Variants in STAG2 observed in about 807,000 individuals in gnomAD.
The protein encoded by STAG2 is cohesin subunit SA-2.
In STAG2, 14 loss-of-function variants were observed where a neutral mutation model predicts 108.1. That is an observed-to-expected ratio of 0.13 (90% CI 0.09 to 0.20). The LOEUF is 0.20. Ranked by LOEUF, STAG2 falls within the 10% of genes least tolerant of loss-of-function variation. The pLI is 1.00. For missense variants in STAG2, 440 were observed against 940.9 expected (o/e 0.47, Z 6.96); for synonymous variants, 307 against 302.7 (o/e 1.01, Z -0.15).
intron 1 of STAG2, among the ~76,000 whole-genome samples, chrX:123,965,504 A>G (rs2054055340): frequency 8.9e-6 from 1 of 111,789 alleles, no homozygotes; most frequent in Non-Finnish European, 1.9e-5. Flanking sequence ...GCTCAGATCT[A>G]TTCCTTTGGG....
At chrX:124,045,580 G>A (rs1398665135) in intron 8 of STAG2, among the ~76,000 whole-genome samples, 2 of 111,229 alleles carry the variant, frequency 1.8e-5, no homozygotes, top group South Asian at 7.5e-4. Context: ...ACTAGTATTT[G>A]GTAATTTTCT....
intron 1 of STAG2, among the ~76,000 whole-genome samples, chrX:123,967,556 G>T (rs914988550): frequency 1.3e-4 from 14 of 111,372 alleles, no homozygotes; most frequent in African/African-American, 3.9e-4. Flanking sequence ...GTGAGCCACT[G>T]CGCCCAGCTG....
chrX:124,083,382 C>G (rs923638466), intron 28 of STAG2, 39 bp from the exon 29 acceptor site: 1 of 1,069,805 alleles, frequency 9.3e-7, no homozygotes. Flanking sequence ...TATAGTCCCT[C>G]AAATATTTAT....
rs1201557196 is a variant in STAG2 at position 124,094,027 on chromosome X, C to T, written c.3588C>T (p.Gly1196=). Residue 1196 remains glycine (G), a synonymous_variant, in exon 33 of 35, where the codon GGC becomes GGT. Coordinates refer to ENST00000371145, the MANE Select transcript of STAG2 (RefSeq NM_001042750.2). ...TTTTATATTTCTCTAGTCGGCGTGG[C>T]ACAAGCCTAATGGAAGATGATGAAG... is the stretch of plus-strand genomic sequence containing the variant. ...RTNLQHAIRR[G]TSLMEDDEEP... is the part of the protein sequence containing the mutation. 8.3e-7 allele frequency: 1 copy of T among 1,208,433 alleles called. No homozygotes were observed. The highest frequency in any genetic ancestry group is 1.1e-6 in the Non-Finnish European group (1 of 894,458).
intron 7 of STAG2, among the ~76,000 whole-genome samples, chrX:124,042,987 C>A (rs1312291848): frequency 9.5e-6 from 1 of 105,771 alleles, no homozygotes. Flanking sequence ...TGTACTCCAG[C>A]CTGGGCAACA....
chrX:124,097,076 G>C (rs1267822307), intron 34 of STAG2, among the ~76,000 whole-genome samples: 2 of 108,657 alleles, frequency 1.8e-5, no homozygotes, highest in Admixed American at 9.9e-5. Context: ...CTACTCAGGA[G>C]GGCGAGGTGG....
chrX:123,982,818 A>G (rs1301829468), intron 1 of STAG2, among the ~76,000 whole-genome samples: 3 of 81,664 alleles, frequency 3.7e-5, no homozygotes, highest in African/African-American at 1.5e-4. Flanking sequence ...TTCCTTGTAC[A>G]TTTGTCTGTT....
chrX:124,085,350 A>G (rs1051511722), intron 29 of STAG2, among the ~76,000 whole-genome samples: 1 of 111,283 alleles, frequency 9.0e-6, no homozygotes, highest in African/African-American at 3.3e-5. Context: ...ATAATTGTAA[A>G]TCTCTCTGCC....
At chrX:124,016,173 T>G (rs1023886426) in intron 1 of STAG2, among the ~76,000 whole-genome samples, 1 of 110,500 alleles carries the variant, frequency 9.0e-6, no homozygotes, top group African/African-American at 3.3e-5. Context: ...ACAGTCTCAC[T>G]CTATTGCCCA....
intron 1 of STAG2, among the ~76,000 whole-genome samples, chrX:123,966,200 C>T (rs1176943555): frequency 9.1e-6 from 1 of 110,442 alleles, no homozygotes; most frequent in African/African-American, 3.3e-5. Flanking sequence ...CCATGGCTCA[C>T]GCCTGTAATC....
At chrX:124,054,545 A>G (rs2058138157) in intron 13 of STAG2, among the ~76,000 whole-genome samples, 1 of 112,137 alleles carries the variant, frequency 8.9e-6, no homozygotes, top group Non-Finnish European at 1.9e-5. Flanking sequence ...ACAGTATGCT[A>G]CATATATTTC....
intron 32 of STAG2, among the ~76,000 whole-genome samples, chrX:124,091,671 T>C (rs1186497791): frequency 8.9e-6 from 1 of 112,568 alleles, no homozygotes; most frequent in Non-Finnish European, 1.9e-5. Context: ...ATATTTCTTA[T>C]AGCACTTGCC....
chrX:124,090,341 A>T (rs1206613072), intron 30 of STAG2, among the ~76,000 whole-genome samples: 1 of 108,154 alleles, frequency 9.2e-6, no homozygotes, highest in Non-Finnish European at 1.9e-5. Flanking sequence ...CATTCCCCTT[A>T]TACTTCCCTC....
chrX:124,009,451 A>T (rs377031434), intron 1 of STAG2, among the ~76,000 whole-genome samples: 1 of 106,636 alleles, frequency 9.4e-6, no homozygotes, highest in African/African-American at 3.6e-5. Context: ...AGGTAGATAG[A>T]TAGATAGATA....
intron 5 of STAG2, among the ~76,000 whole-genome samples, chrX:124,035,810 G>A (rs1366578261): frequency 8.9e-6 from 1 of 111,997 alleles, no homozygotes; most frequent in African/African-American, 3.3e-5. Context: ...AATGTCCTGA[G>A]AGAAGTGTCC....
intron 28 of STAG2, among the ~76,000 whole-genome samples, chrX:124,082,318 G>A (rs1429199370): frequency 9.0e-6 from 1 of 111,701 alleles, no homozygotes; most frequent in Non-Finnish European, 1.9e-5. Context: ...TACTGGGCAT[G>A]TAATTTAGTG....
At chrX:124,079,795 G>A (rs780172457) in intron 27 of STAG2, among the ~76,000 whole-genome samples, 9 of 111,744 alleles carry the variant, frequency 8.1e-5, no homozygotes, top group Admixed American at 7.6e-4. Context: ...TTTTTTGATG[G>A]CCTTGTTACT....
chrX:124,021,579 T>A (rs1431699583), intron 2 of STAG2, 148 bp downstream of exon 2: 1 of 112,098 alleles, frequency 8.9e-6, no homozygotes, highest in African/African-American at 3.2e-5. Context: ...CATTTTTACA[T>A]GTACTTTGGT....
intron 7 of STAG2, 139 bp downstream of exon 7, chrX:124,042,784 G>A (rs1186943844): frequency 2.2e-6 from 1 of 454,678 alleles, no homozygotes; most frequent in Non-Finnish European, 3.8e-6. Flanking sequence ...GGCCGAGGCA[G>A]GCGGATCACC....
Sources: gnomAD v4.1 joint callset for allele counts (sites outside exome capture counted in the v4.1 genomes callset) on GRCh38, gnomAD v4.1.1 for gene constraint, MANE v1.5 for transcripts, NCBI Gene and HGNC (gene_info 2026-07-23, HGNC 2026-07-21) for gene names.